The following USH2A variants were observed in gnomAD, a reference collection of about 807,000 sequenced individuals.
The protein encoded by USH2A is Usher syndrome 2A (autosomal recessive, mild).
Under a neutral mutation model 538.9 loss-of-function variants are expected in USH2A, and 443 were observed. The ratio of observed to expected loss-of-function variants is 0.82; its 90% CI spans 0.76 to 0.89. USH2A has a LOEUF of 0.89. USH2A is among the 40% of genes least tolerant of loss of function. USH2A has a pLI of 0.00. For synonymous variants in USH2A, 2,413 were observed against 2,273.5 expected (o/e 1.06, Z -1.75); for missense variants, 6,633 against 6,324.8 (o/e 1.05, Z -1.65).
At chr1:215,703,231 T>G (rs1018483103) in intron 61 of USH2A, among the ~76,000 whole-genome samples, 3 of 152,156 alleles carry the variant, frequency 2.0e-5, no homozygotes, top group Admixed American at 1.3e-4. Flanking sequence ...GGAGCTCTCC[T>G]GTATGAGATG....
chr1:215,934,806 A>T lies in USH2A; in HGVS notation c.7121-11T>A. ...TGTAGTTATTACCTACTGATTAAAA[A>T]AGAAAATTATTAAAATAAATACATA... On this transcript the variant is annotated splice_polypyrimidine_tract_variant and intron_variant, in intron 37 of 71. Coordinates refer to ENST00000307340, the MANE Select transcript of USH2A (RefSeq NM_206933.4). 1 of 1,598,916 alleles carries T rather than the reference A, an allele frequency of 6.3e-7. No homozygotes were observed. Among genetic ancestry groups the T allele is most frequent in the Non-Finnish European group, 8.5e-7 (1 of 1,170,506 alleles).
At chr1:216,119,099 T>C (rs1271708026) in intron 21 of USH2A, among the ~76,000 whole-genome samples, 1 of 152,214 alleles carries the variant, frequency 6.6e-6, no homozygotes, top group African/African-American at 2.4e-5. Context: ...ACACATTCTG[T>C]TCCATTTTAT....
At chr1:216,353,084 C>T (rs939405764) in intron 4 of USH2A, among the ~76,000 whole-genome samples, 9 of 151,764 alleles carry the variant, frequency 5.9e-5, no homozygotes, top group South Asian at 2.1e-4. Flanking sequence ...GAAGAAAAAA[C>T]GGCAGGGAAG....
chr1:215,811,086 A>C (rs1662659002), intron 49 of USH2A, among the ~76,000 whole-genome samples: 1 of 152,214 alleles, frequency 6.6e-6, no homozygotes, highest in Non-Finnish European at 1.5e-5. Flanking sequence ...CAGTGAAAGA[A>C]ATGTGACCTA....
chr1:215,815,312 T>A (rs4369205), intron 48 of USH2A, among the ~76,000 whole-genome samples: 101,230 of 151,748 alleles, frequency 0.67, 34,425 homozygotes, highest in African/African-American at 0.79. Context: ...CAAGACTATG[T>A]GGTGAGATTT....
chr1:216,165,644 T>C (rs2034151992), intron 21 of USH2A, among the ~76,000 whole-genome samples: 1 of 152,204 alleles, frequency 6.6e-6, no homozygotes, highest in Admixed American at 6.5e-5. Flanking sequence ...TACAGCTAAG[T>C]GATCCATCTT....
intron 4 of USH2A, among the ~76,000 whole-genome samples, chr1:216,342,159 A>G (rs1480674073): frequency 2.0e-5 from 3 of 152,188 alleles, no homozygotes; most frequent in Non-Finnish European, 4.4e-5. Flanking sequence ...AGAAGAAAAC[A>G]ACCCCATCAA....
chr1:215,792,229 GACAGGTCA>G (rs1662002022), intron 50 of USH2A, among the ~76,000 whole-genome samples: 1 of 152,044 alleles, frequency 6.6e-6, no homozygotes, highest in African/African-American at 2.4e-5. Flanking sequence ...AGGGACTTCT[GACAGGTCA>G]ACTAAAATTT....
intron 35 of USH2A, among the ~76,000 whole-genome samples, chr1:215,972,169 C>G (rs769065844): frequency 1.3e-5 from 2 of 152,104 alleles, no homozygotes; most frequent in African/African-American, 4.8e-5. Flanking sequence ...TTGGGTTTTG[C>G]CAGTGGGAGG....
chr1:216,068,677 T>G (rs17646773), intron 30 of USH2A, among the ~76,000 whole-genome samples: 20,068 of 152,114 alleles, frequency 0.13, 1,618 homozygotes, highest in Middle Eastern at 0.22. Flanking sequence ...TTGTGAAGAT[T>G]TCTATTTTTG....
chr1:216,242,203 A>AG (rs397715035), intron 13 of USH2A, among the ~76,000 whole-genome samples: 62 of 149,040 alleles, frequency 4.2e-4, no homozygotes, highest in African/African-American at 1.5e-3. Context: ...AAAAAAAAAA[A>AG]TACAAAAAAT....
In USH2A at chr1:216,292,241, G is replaced by T; in HGVS notation, c.1774C>A (p.Pro592Thr). 6.2e-7 allele frequency: 1 copy of T among 1,614,042 alleles called. No homozygotes were observed. Among genetic ancestry groups the T allele is most frequent in the Non-Finnish European group, 8.5e-7 (1 of 1,179,964 alleles). ...CCTCTGAAGTGCTCAAAAGGAAATG[G>T]GTCTACAGAGATGTTGTAATGGCAG... The part of the protein sequence containing the change: ...KSCHYNISVD[P>T]FPFEHFRGGG... The change falls in exon 10 of 72, where the codon CCA becomes ACA. Residue 592 changes from proline to threonine, a missense_variant. Pro to Thr is a conservative substitution (Grantham distance 38, BLOSUM62 -1). Coordinates refer to ENST00000307340, the MANE Select transcript of USH2A (RefSeq NM_206933.4).
intron 64 of USH2A, among the ~76,000 whole-genome samples, chr1:215,652,000 T>A (rs1657098345): frequency 6.6e-6 from 1 of 152,236 alleles, no homozygotes; most frequent in South Asian, 2.1e-4. Context: ...AAGAGACAAC[T>A]AACCTACTTA....
intron 44 of USH2A, among the ~76,000 whole-genome samples, chr1:215,853,629 T>C (rs1004923686): frequency 3.9e-5 from 6 of 152,212 alleles, no homozygotes; most frequent in African/African-American, 1.4e-4. Flanking sequence ...ACTGAATGCC[T>C]TTAACAGCAC....
intron 13 of USH2A, among the ~76,000 whole-genome samples, chr1:216,242,186 C>CG (rs1558338664): frequency 6.7e-5 from 1 of 14,914 alleles, no homozygotes; most frequent in Non-Finnish European, 1.2e-4. Flanking sequence ...CCCATCTCTG[C>CG]TTTAAAAAAA....
intron 11 of USH2A, among the ~76,000 whole-genome samples, chr1:216,278,305 A>G (rs2036708832): frequency 6.6e-6 from 1 of 152,032 alleles, no homozygotes; most frequent in Non-Finnish European, 1.5e-5. Flanking sequence ...CTCAGTTACA[A>G]CTCCATCTAT....
chr1:215,861,239 C>G (rs927085209), intron 44 of USH2A, among the ~76,000 whole-genome samples: 15 of 151,982 alleles, frequency 9.9e-5, no homozygotes, highest in African/African-American at 3.6e-4. Flanking sequence ...CAGGGGCCTG[C>G]CAGAGAAAAC....
intron 44 of USH2A, among the ~76,000 whole-genome samples, chr1:215,849,609 T>A (rs1028883538): frequency 1.3e-5 from 2 of 152,186 alleles, no homozygotes. Context: ...AAATGACTTA[T>A]GTCTACAAAC....
At chr1:216,305,487 G>C (rs12561786) in intron 9 of USH2A, among the ~76,000 whole-genome samples, 1 of 151,934 alleles carries the variant, frequency 6.6e-6, no homozygotes, top group South Asian at 2.1e-4. Context: ...TCTTTTAAGT[G>C]GTGCATTTAG....
Sources: gnomAD v4.1 joint callset for allele counts (sites outside exome capture counted in the v4.1 genomes callset) on GRCh38, gnomAD v4.1.1 for gene constraint, MANE v1.5 for transcripts, NCBI Gene and HGNC (gene_info 2026-07-23, HGNC 2026-07-21) for gene names.